Variants in ZNF704 observed in about 807,000 individuals in gnomAD.
ZNF704 encodes the protein zinc finger protein 704, also known as glucocorticoid induced gene 1.
ZNF704 carries 10 observed loss-of-function variants against 44.7 expected under a neutral mutation model. The observed-to-expected ratio is 0.22, with a 90% CI of 0.14 to 0.38. The LOEUF is 0.38. Among genes scored for constraint, ZNF704 ranks in the 10% least tolerant of loss-of-function variants. ZNF704 has a pLI of 1.00. For missense variants in ZNF704, 390 were observed against 545.5 expected (o/e 0.71, Z 2.84); for synonymous variants, 211 against 207.6 (o/e 1.02, Z -0.14).
chr8:80,716,968 A>G (rs1279929992), intron 2 of ZNF704, among the ~76,000 whole-genome samples: 2 of 152,230 alleles, frequency 1.3e-5, no homozygotes, highest in Non-Finnish European at 2.9e-5. Flanking sequence ...CCTCAGGGAA[A>G]GCTAAGAAAG....
At chr8:80,649,474 C>T (rs2086401) in intron 7 of ZNF704, among the ~76,000 whole-genome samples, 43,265 of 152,108 alleles carry the variant, frequency 0.28, 7,398 homozygotes, top group East Asian at 0.39. Context: ...CCTAATACTG[C>T]GCTTTTCCAA....
At chr8:80,865,431 C>A (rs538962886) in intron 1 of ZNF704, among the ~76,000 whole-genome samples, 10 of 152,196 alleles carry the variant, frequency 6.6e-5, no homozygotes, top group African/African-American at 2.4e-4. Context: ...GTGGGGGCAG[C>A]TGGGAGGATC....
At chr8:80,805,194 C>T (rs1698685708) in intron 2 of ZNF704, among the ~76,000 whole-genome samples, 1 of 152,212 alleles carries the variant, frequency 6.6e-6, no homozygotes, top group African/African-American at 2.4e-5. Flanking sequence ...CATCTCGTCA[C>T]TTAACAAAAT....
chr8:80,629,407 GTTT>G lies in ZNF704; in HGVS notation c.*11956_*11958del, dbSNP rs965413312. 7 of 152,172 alleles carry G rather than the reference GTTT, an allele frequency of 4.6e-5. No homozygotes were observed. Among genetic ancestry groups the G allele is most frequent in the Non-Finnish European group, 2.9e-5 (2 of 68,030 alleles). The allele number at this position is 152,172 out of a possible 1,614,324, so 9.4% of individuals were successfully genotyped here. ...TTAAGTACCAGGTTTAGAAATGCGT[GTTT>G]TTTTCCCCCCGTATTTTACAAACAG... is the stretch of plus-strand genomic sequence containing the variant. On this transcript the variant is annotated 3_prime_UTR_variant, in exon 9 of 9. Transcript: ENST00000327835.
At chr8:80,868,977 G>A (rs1357470599) in intron 1 of ZNF704, among the ~76,000 whole-genome samples, 1 of 152,196 alleles carries the variant, frequency 6.6e-6, no homozygotes, top group Non-Finnish European at 1.5e-5. Context: ...GCAACGTAGT[G>A]TAATGCATGT....
intron 4 of ZNF704, among the ~76,000 whole-genome samples, chr8:80,683,636 T>C (rs988668615): frequency 6.6e-6 from 1 of 152,220 alleles, no homozygotes; most frequent in Non-Finnish European, 1.5e-5. Flanking sequence ...ATAACCTCAA[T>C]GAGCCTCTTG....
intron 2 of ZNF704, among the ~76,000 whole-genome samples, chr8:80,721,046 C>A (rs533484761): frequency 6.8e-4 from 104 of 152,294 alleles, no homozygotes; most frequent in African/African-American, 2.4e-3. Flanking sequence ...CTTATCTCAC[C>A]GTACTTTGAT....
intron 2 of ZNF704, among the ~76,000 whole-genome samples, chr8:80,730,836 A>G (rs751061484): frequency 6.6e-5 from 10 of 152,214 alleles, no homozygotes; most frequent in Non-Finnish European, 1.5e-4. Flanking sequence ...AATTAGTTAT[A>G]AATTGAGAAA....
At chr8:80,820,474 GATCT>G (rs1170458656) in intron 2 of ZNF704, among the ~76,000 whole-genome samples, 3 of 152,002 alleles carry the variant, frequency 2.0e-5, no homozygotes, top group African/African-American at 7.2e-5. Context: ...TTTTAAAGTA[GATCT>G]ATCATACAAA....
chr8:80,860,028 G>C (rs1194146899), intron 1 of ZNF704, among the ~76,000 whole-genome samples: 1 of 152,212 alleles, frequency 6.6e-6, no homozygotes, highest in Non-Finnish European at 1.5e-5. Flanking sequence ...TCCCAAGACA[G>C]TGTGGGGCAA....
rs534619985 is a variant in ZNF704, at chr8:80,687,596, G to C, written c.326-138C>G. 12 of 622,428 alleles carry C rather than the reference G, an allele frequency of 1.9e-5. No homozygotes were observed. The East Asian group carries it at 3.5e-4, about 18-fold the overall frequency. The allele number at this position is 622,428 out of a possible 1,614,324, so 38.6% of individuals were successfully genotyped here. ...TCATCTGCAACAGCTGGGTATGTAA[G>C]TTTTTGTTCTATTTATACGCCCCCT... On this transcript the variant is annotated intron_variant, in intron 3 of 8. Transcript: ENST00000327835.
At chr8:80,878,793 A>G (rs1020979740), upstream of ZNF704, among the ~76,000 whole-genome samples, 3 of 152,234 alleles carry the variant, frequency 2.0e-5, no homozygotes, top group African/African-American at 4.8e-5. Flanking sequence ...GTACTTTCAA[A>G]ATACTAGTTC....
intron 4 of ZNF704, among the ~76,000 whole-genome samples, chr8:80,672,278 C>T (rs912463534): frequency 6.6e-6 from 1 of 152,064 alleles, no homozygotes; most frequent in Admixed American, 6.6e-5. Context: ...TACATGCTGG[C>T]GAGGCTGCAG....
chr8:80,760,209 T>A (rs184374684), intron 2 of ZNF704, among the ~76,000 whole-genome samples: 1 of 152,316 alleles, frequency 6.6e-6, no homozygotes, highest in East Asian at 1.9e-4. Context: ...TGTTATCCAG[T>A]AATAAATAAT....
At chr8:80,741,806 T>A (rs1806762618) in intron 2 of ZNF704, among the ~76,000 whole-genome samples, 1 of 152,144 alleles carries the variant, frequency 6.6e-6, no homozygotes, top group Admixed American at 6.5e-5. Flanking sequence ...TGATGGAAGT[T>A]CCTTTGTGAA....
At chr8:80,691,217 G>A (rs966645468) in intron 3 of ZNF704, among the ~76,000 whole-genome samples, 28 of 152,210 alleles carry the variant, frequency 1.8e-4, no homozygotes, top group African/African-American at 6.8e-4. Flanking sequence ...ACCAAATTGT[G>A]TGTGAACCAT....
chr8:80,664,237 C>T (rs190193201), intron 6 of ZNF704, among the ~76,000 whole-genome samples: 1 of 151,544 alleles, frequency 6.6e-6, no homozygotes, highest in East Asian at 2.0e-4. Context: ...GCTGGGACTA[C>T]AGGCACACGC....
At chr8:80,815,382 A>G (rs1380882305) in intron 2 of ZNF704, among the ~76,000 whole-genome samples, 1 of 152,228 alleles carries the variant, frequency 6.6e-6, no homozygotes, top group African/African-American at 2.4e-5. Context: ...ACTACTTTGC[A>G]TAATCAAATT....
At chr8:80,654,781 A>C (rs867135530) in intron 7 of ZNF704, among the ~76,000 whole-genome samples, 1 of 152,126 alleles carries the variant, frequency 6.6e-6, no homozygotes, top group Non-Finnish European at 1.5e-5. Flanking sequence ...AAGTCAGTGT[A>C]GCGATTCCTC....
Sources: gnomAD v4.1 joint callset for allele counts (sites outside exome capture counted in the v4.1 genomes callset) on GRCh38, gnomAD v4.1.1 for gene constraint, MANE v1.5 for transcripts, NCBI Gene and HGNC (gene_info 2026-07-23, HGNC 2026-07-21) for gene names.